Variants in VMP1 observed in about 807,000 individuals in gnomAD.
The protein encoded by VMP1 is vacuole membrane protein 1, also known as ectopic P-granules autophagy protein 3 homolog.
Under a neutral mutation model 56.0 loss-of-function variants are expected in VMP1, and 11 were observed. The observed-to-expected ratio is 0.20, with a 90% CI of 0.12 to 0.32. The LOEUF is 0.32. Among genes scored for constraint, VMP1 ranks in the 10% least tolerant of loss-of-function variants. The pLI is 1.00. For missense variants in VMP1, 296 were observed against 490.3 expected (o/e 0.60, Z 3.74); for synonymous variants, 149 against 165.0 (o/e 0.90, Z 0.74).
At chr17:59,783,272 C>T (rs1321718331) in intron 7 of VMP1, among the ~76,000 whole-genome samples, 1 of 152,084 alleles carries the variant, frequency 6.6e-6, no homozygotes, top group African/African-American at 2.4e-5. Context: ...GGTTGGATGT[C>T]GTACTATAGA....
chr17:59,818,228 G>A (rs1017139774), intron 10 of VMP1, among the ~76,000 whole-genome samples: 7 of 152,150 alleles, frequency 4.6e-5, no homozygotes, highest in Admixed American at 6.6e-5. Flanking sequence ...CTAGCCGGCC[G>A]TGGTGGCGGG....
rs2036185799 is a variant in VMP1, at chr17:59,765,101, G to A, written c.545G>A (p.Ser182Asn). Residue 182 changes from serine to asparagine, a missense_variant, in exon 6 of 12, where the codon AGT (serine) becomes AAT (asparagine). Ser to Asn is a conservative substitution (Grantham distance 46). Transcript: ENST00000262291. ...ACTGAAGGAACCATTTCTTTGTGGA[G>A]TATCATCTCAAAAGTTAGGATTGAA... The part of the protein sequence containing the change: ...EGTEGTISLW[S>N]IISKVRIEAC... The A allele has an allele frequency of 7.4e-6, 12 of 1,614,106 alleles. No individual in the cohort carries two copies. The highest frequency in any genetic ancestry group is 1.1e-5 in the South Asian group (1 of 91,080).
intron 7 of VMP1, among the ~76,000 whole-genome samples, chr17:59,801,091 A>AAAAATAT (rs1307645697): frequency 9.1e-6 from 1 of 109,358 alleles, no homozygotes; most frequent in Non-Finnish European, 1.8e-5. Context: ...AAAAAAAAAA[A>AAAAATAT]ATATATATAT....
chr17:59,746,028 G>A (rs2035411365), intron 5 of VMP1, among the ~76,000 whole-genome samples: 1 of 152,110 alleles, frequency 6.6e-6, no homozygotes, highest in Non-Finnish European at 1.5e-5. Context: ...TTTTTTGGAA[G>A]TATCATTTAG....
intron 7 of VMP1, among the ~76,000 whole-genome samples, chr17:59,801,688 A>G (rs2037671143): frequency 6.6e-6 from 1 of 152,136 alleles, no homozygotes; most frequent in Non-Finnish European, 1.5e-5. Flanking sequence ...TGAGGTTAGG[A>G]GTTCAAGACC....
chr17:59,758,401 T>C (rs1389554894), intron 5 of VMP1, among the ~76,000 whole-genome samples: 26 of 152,226 alleles, frequency 1.7e-4, no homozygotes, highest in Non-Finnish European at 3.4e-4. Context: ...TTTTCAACTA[T>C]GTATGTGCCA....
chr17:59,710,040 A>C (rs2033848148), intron 1 of VMP1, among the ~76,000 whole-genome samples: 1 of 152,052 alleles, frequency 6.6e-6, no homozygotes, highest in African/African-American at 2.4e-5. Flanking sequence ...TACTAAAAAT[A>C]CAAAAAATTA....
chr17:59,746,802 G>C (rs1325409436), intron 5 of VMP1, among the ~76,000 whole-genome samples: 1 of 152,158 alleles, frequency 6.6e-6, no homozygotes, highest in Non-Finnish European at 1.5e-5. Context: ...AGTTGGTTGG[G>C]CTACTAGGTT....
chr17:59,806,579 A>C (rs2037848588), intron 7 of VMP1, among the ~76,000 whole-genome samples: 1 of 151,760 alleles, frequency 6.6e-6, no homozygotes, highest in Non-Finnish European at 1.5e-5. Flanking sequence ...GCCAGGCATG[A>C]TGGCGGGCGC....
At chr17:59,831,628 T>C (rs2038808398) in intron 10 of VMP1, among the ~76,000 whole-genome samples, 1 of 151,724 alleles carries the variant, frequency 6.6e-6, no homozygotes, top group Admixed American at 6.6e-5. Context: ...TTTTTTTTTT[T>C]TTTTACAATA....
At chr17:59,815,649 C>A (rs571352633) in intron 9 of VMP1, among the ~76,000 whole-genome samples, 3 of 147,294 alleles carry the variant, frequency 2.0e-5, no homozygotes, top group Admixed American at 6.9e-5. Context: ...GTCAGGAGAT[C>A]GAGACCATCC....
At chr17:59,801,080 GAAAA>G (rs571996545) in intron 7 of VMP1, among the ~76,000 whole-genome samples, 12 of 66,166 alleles carry the variant, frequency 1.8e-4, no homozygotes, top group Admixed American at 6.0e-4. Context: ...ACTCCATCTC[GAAAA>G]AAAAAAAATA....
intron 11 of VMP1, chr17:59,839,339 C>T: frequency 6.2e-6 from 1 of 160,246 alleles, no homozygotes; most frequent in Non-Finnish European, 1.4e-5. Flanking sequence ...TGGACCTTTG[C>T]TGCCCTCAGT....
chr17:59,761,063 C>T (rs547461391), intron 5 of VMP1, among the ~76,000 whole-genome samples: 302 of 152,018 alleles, frequency 2.0e-3, no homozygotes, highest in African/African-American at 7.0e-3. Flanking sequence ...CCACCATGCC[C>T]GGCTAATTTT....
chr17:59,736,447 TC>T (rs1202064084), intron 3 of VMP1, among the ~76,000 whole-genome samples: 11 of 149,304 alleles, frequency 7.4e-5, no homozygotes, highest in Non-Finnish European at 1.3e-4. Flanking sequence ...ATGCCTGTAA[TC>T]CCAGCTACTC....
intron 7 of VMP1, among the ~76,000 whole-genome samples, chr17:59,797,109 G>A (rs537396357): frequency 5.3e-5 from 8 of 151,930 alleles, no homozygotes; most frequent in Admixed American, 2.0e-4. Flanking sequence ...CAAGGCAGGC[G>A]GGTCACAAGG....
At chr17:59,725,034 G>A (rs1176225542) in intron 1 of VMP1, among the ~76,000 whole-genome samples, 1 of 151,618 alleles carries the variant, frequency 6.6e-6, no homozygotes, top group East Asian at 1.9e-4. Context: ...GTGGGTGCCT[G>A]TAGTCCCAGC....
intron 7 of VMP1, among the ~76,000 whole-genome samples, chr17:59,800,132 G>C (rs1028692305): frequency 2.6e-5 from 4 of 152,030 alleles, no homozygotes; most frequent in African/African-American, 9.7e-5. Flanking sequence ...GTAGAAAATA[G>C]TTATTAAGGC....
chr17:59,726,774 T>C (rs777992556), intron 1 of VMP1, among the ~76,000 whole-genome samples: 2 of 152,224 alleles, frequency 1.3e-5, no homozygotes, highest in Admixed American at 1.3e-4. Context: ...ATTGTGATGC[T>C]CTAGCATCTT....
Sources: allele counts gnomAD v4.1 joint callset (sites outside exome capture counted in the v4.1 genomes callset), GRCh38; gene constraint gnomAD v4.1.1; transcripts MANE v1.5; gene names NCBI Gene and HGNC (gene_info 2026-07-23, HGNC 2026-07-21).